Variants in ING2 observed in about 807,000 individuals in gnomAD.
ING2 encodes inhibitor of growth protein 2.
Under a neutral mutation model 30.6 loss-of-function variants are expected in ING2, and 7 were observed. That is an observed-to-expected ratio of 0.23 (90% confidence interval 0.13 to 0.43). The LOEUF is 0.43. Ranked by LOEUF, ING2 falls within the 20% of genes least tolerant of loss-of-function variation. ING2 has a pLI of 1.00. For synonymous variants in ING2, 136 were observed against 121.7 expected (o/e 1.12, Z -0.78); for missense variants, 239 against 334.9 (o/e 0.71, Z 2.24).
In ING2 at chr4:183,510,503, G is replaced by A. The variant is rs1050854503; in HGVS notation, c.394G>A (p.Glu132Lys). ...GTGTTTCCAAGATCCTGCTGAAAGT[G>A]AACGAGCCTCAGATAAAGCAAAGAT... Reference protein sequence around the residue: ...SQCFQDPAESERASDKAKMDS... With the variant: ...SQCFQDPAESKRASDKAKMDS... Residue 132 changes from glutamate to lysine, a missense_variant, in exon 2 of 2, where the codon GAA becomes AAA. By Grantham distance (56) the Glu-to-Lys change is moderately conservative (BLOSUM62 1). Coordinates refer to ENST00000302327, the MANE Select transcript of ING2 (RefSeq NM_001564.4). 2 of 1,613,946 alleles carry A rather than the reference G, an allele frequency of 1.2e-6. No individual in the cohort carries two copies. The highest frequency in any genetic ancestry group is 2.7e-5 in the African/African-American group (2 of 74,920).
At chr4:183,506,446 C>T in intron 1 of ING2, 3 of 566,700 alleles carry the variant, frequency 5.3e-6, no homozygotes, top group Non-Finnish European at 9.1e-6. Context: ...CACCCTTTGC[C>T]GGCCGACCCG....
rs1579170427 is a variant in ING2 at position 183,510,305 on chromosome 4, G to C, written c.196G>C (p.Val66Leu). The C allele has an allele frequency of 4.4e-6, 7 of 1,587,552 alleles. No homozygotes were observed. Among genetic ancestry groups the C allele is most frequent in the Non-Finnish European group, 6.0e-6 (7 of 1,171,002 alleles). The change falls in exon 2 of 2, where the codon GTC becomes CTC. Residue 66 changes from valine (V) to leucine (L), a missense_variant. Physicochemically the swap from Val to Leu is conservative, Grantham distance 32. This residue lies in a region of ING2 where 80 missense variants were observed against 102.4 expected (regional missense o/e 0.78). Transcript: ENST00000302327. The part of the protein sequence containing the change: ...YQETLKEIDD[V>L]YEKYKKEDDL... ...AGAAACGTTAAAGGAAATTGATGATGTCTACGAAAAATATAAGAAAGAAGA... is the reference window on the plus strand; with the variant it reads ...AGAAACGTTAAAGGAAATTGATGATCTCTACGAAAAATATAAGAAAGAAGA...
At chr4:183,509,602 C>T (rs1473362917) in intron 1 of ING2, among the ~76,000 whole-genome samples, 2 of 151,950 alleles carry the variant, frequency 1.3e-5, no homozygotes, top group Non-Finnish European at 2.9e-5. Flanking sequence ...CCCGCCACTG[C>T]GCCCGGCTAA....
At chr4:183,505,953 G>C (rs1579166788) in intron 1 of ING2, 1 of 424,990 alleles carries the variant, frequency 2.4e-6, no homozygotes, top group Non-Finnish European at 3.5e-6. Context: ...CCGCGTTGTA[G>C]CCCTAGCCCA....
chr4:183,506,113 C>A, intron 1 of ING2: 3 of 1,210,412 alleles, frequency 2.5e-6, no homozygotes, highest in Non-Finnish European at 3.2e-6. Context: ...TTCCCGCGGG[C>A]CTGGAAAATG....
intron 1 of ING2, 40 bp downstream of exon 1, chr4:183,505,407 G>T (rs772322503): frequency 1.2e-4 from 186 of 1,504,594 alleles, no homozygotes; most frequent in Non-Finnish European, 8.4e-5. Context: ...AGCCGGTGGC[G>T]GGGAGCCTGT....
chr4:183,509,765 G>A (rs1416299901), intron 1 of ING2, among the ~76,000 whole-genome samples: 1 of 102,464 alleles, frequency 9.8e-6, no homozygotes, highest in Non-Finnish European at 1.9e-5. Flanking sequence ...ATGGAGTTTT[G>A]CTCTGTCGCC....
chr4:183,507,144 A>T (rs1372049850), intron 1 of ING2, among the ~76,000 whole-genome samples: 1 of 152,190 alleles, frequency 6.6e-6, no homozygotes, highest in Non-Finnish European at 1.5e-5. Context: ...TCTGTCCCCT[A>T]GGCTGGAGTG....
In ING2 at chr4:183,505,103, C is replaced by T; in HGVS notation, c.-93C>T. Reference sequence around the variant, plus strand: ...GAGCGGCTGCGGGGTCCCCGCGGCGCCGGGCTGCTGAGCTGAGGGCCCGCG... The same window carrying T: ...GAGCGGCTGCGGGGTCCCCGCGGCGTCGGGCTGCTGAGCTGAGGGCCCGCG... On this transcript the variant is annotated 5_prime_UTR_variant, in exon 1 of 2. Transcript: ENST00000302327. The T allele has an allele frequency of 1.6e-6, 2 of 1,256,888 alleles. No individual in the cohort carries two copies. The highest frequency in any genetic ancestry group is 3.3e-5 in the East Asian group (1 of 29,970). The allele number at this position is 1,256,888 out of a possible 1,614,324, so 77.9% of individuals were successfully genotyped here.
At chr4:183,506,345 C>T (rs1734648237) in intron 1 of ING2, 3 of 1,291,876 alleles carry the variant, frequency 2.3e-6, no homozygotes, top group African/African-American at 3.0e-5. Flanking sequence ...GTGTCACTTC[C>T]GGGCTTCAGG....
At chr4:183,506,083 T>TGGGAGGGGCGC (rs1734637301) in intron 1 of ING2, 6 of 1,176,252 alleles carry the variant, frequency 5.1e-6, no homozygotes, top group African/African-American at 1.7e-5. Context: ...ACGAGGGGCG[T>TGGGAGGGGCGC]GGGAGGGGCG....
chr4:183,506,341 C>T lies in ING2; in HGVS notation c.172+974C>T, dbSNP rs1169120633. The T allele has an allele frequency of 5.4e-6, 7 of 1,294,364 alleles. No homozygotes were observed. In the South Asian group the frequency reaches 7.4e-5, roughly 14 times the overall value. The allele number at this position is 1,294,364 out of a possible 1,614,324, so 80.2% of individuals were successfully genotyped here. On this transcript the variant is annotated intron_variant, in intron 1 of 1. Coordinates refer to ENST00000302327, the MANE Select transcript of ING2 (RefSeq NM_001564.4). ...CGCGTAGGTTCCGGGACATGTGTCA[C>T]TTCCGGGCTTCAGGAGGAAGTGGGT...
Position 183,510,272 on chromosome 4 carries a change from C to A in ING2, c.173-10C>A. 6.5e-7 allele frequency: 1 copy of A among 1,539,802 alleles called. No individual in the cohort carries two copies. The highest frequency in any genetic ancestry group is 1.2e-5 in the South Asian group (1 of 80,826). ...TGATAACGTTCTCATTTTTCTTTTC[C>A]TTTTTTTAGAAACGTTAAAGGAAAT... On this transcript the variant is annotated splice_polypyrimidine_tract_variant and intron_variant, in intron 1 of 1. Coordinates refer to ENST00000302327, the MANE Select transcript of ING2 (RefSeq NM_001564.4).
Position 183,512,106 on chromosome 4 carries a change from GT to G in ING2, c.*1158del, listed in dbSNP as rs1235558347. Among the ~76,000 whole-genome samples, 1 of 152,156 alleles carries G rather than the reference GT, an allele frequency of 6.6e-6. No homozygotes were observed. Among genetic ancestry groups the G allele is most frequent in the Non-Finnish European group, 1.5e-5 (1 of 68,018 alleles). On this transcript the variant is annotated 3_prime_UTR_variant, in exon 2 of 2. Coordinates refer to ENST00000302327, the MANE Select transcript of ING2 (RefSeq NM_001564.4). ...ATATATGTCCATATGTTTAGAGAAG[GT>G]TTTGGTTTTGGGGGCAGCAGATTGA...
chr4:183,509,888 A>T (rs1734779194), intron 1 of ING2, among the ~76,000 whole-genome samples: 1 of 151,556 alleles, frequency 6.6e-6, no homozygotes, highest in African/African-American at 2.4e-5. Flanking sequence ...GGCGCCTGCC[A>T]CCATGCCCGG....
At position 183,512,365 on chromosome 4, in the gene ING2, C is replaced by T. The variant is rs944099679; in HGVS notation, c.*1413C>T. 5.9e-5 allele frequency among the ~76,000 whole-genome samples: 9 copies of T among 151,994 alleles called. No individual in the cohort carries two copies. Among genetic ancestry groups the T allele is most frequent in the African/African-American group, 2.2e-4 (9 of 41,366 alleles). The stretch of plus-strand genomic sequence containing the variant: ...AGTTGGCTTAAATATCTCCGAGATT[C>T]CTTGGAAATTTCTACTATTTGCACT... On this transcript the variant is annotated 3_prime_UTR_variant, in exon 2 of 2. Coordinates refer to ENST00000302327, the MANE Select transcript of ING2 (RefSeq NM_001564.4).
At chr4:183,505,775 C>T (rs1020397256) in intron 1 of ING2, among the ~76,000 whole-genome samples, 40 of 152,074 alleles carry the variant, frequency 2.6e-4, no homozygotes, top group Non-Finnish European at 4.1e-4. Flanking sequence ...GGCGCGCTTC[C>T]CCACCTCACT....
At position 183,506,023 on chromosome 4, in the gene ING2, C is replaced by A. The variant is rs901130734; in HGVS notation, c.172+656C>A. ...CCCCCGCGGGAGAGGAAGAGAGGGG[C>A]GTGTGTGGCGGGGAGGGCCCCCGCG... On this transcript the variant is annotated intron_variant, in intron 1 of 1. Coordinates refer to ENST00000302327, the MANE Select transcript of ING2 (RefSeq NM_001564.4). The A allele has an allele frequency of 7.3e-6, 7 of 953,674 alleles. No homozygotes were observed. In the East Asian group the frequency reaches 4.7e-4, roughly 64 times the overall value. 59.1% of individuals were successfully genotyped at this position (953,674 alleles called of 1,614,324 possible).
In ING2 at chr4:183,505,093, C is replaced by A; in HGVS notation, c.-103C>A. ...GTGCCCTCTCGAGCGGCTGCGGGGT[C>A]CCCGCGGCGCCGGGCTGCTGAGCTG... On this transcript the variant is annotated 5_prime_UTR_variant, in exon 1 of 2. Transcript: ENST00000302327. 8 of 1,167,764 alleles carry A rather than the reference C, an allele frequency of 6.9e-6. No individual in the cohort carries two copies. The highest frequency in any genetic ancestry group is 8.8e-6 in the Non-Finnish European group (8 of 910,290). 72.3% of individuals were successfully genotyped at this position (1,167,764 alleles called of 1,614,324 possible).
Sources: allele counts gnomAD v4.1 joint callset (sites outside exome capture counted in the v4.1 genomes callset), GRCh38; gene constraint gnomAD v4.1.1; regional missense constraint gnomAD v4.1.1; transcripts MANE v1.5; gene names NCBI Gene and HGNC (gene_info 2026-07-23, HGNC 2026-07-21).